The following CEP78 variants were observed in gnomAD, a reference collection of about 807,000 sequenced individuals.
CEP78 encodes the protein centrosomal protein of 78 kDa.
In CEP78, 76 loss-of-function variants were observed where a neutral mutation model predicts 81.2. The observed-to-expected ratio is 0.94, with a 90% CI of 0.78 to 1.13. The LOEUF is 1.13. Among genes scored for constraint, CEP78 ranks in the 50% most tolerant of loss-of-function variants. CEP78 has a pLI of 0.00. For missense variants in CEP78, 918 were observed against 846.8 expected, an observed-to-expected ratio of 1.08 and a Z score of -1.04; for synonymous variants, 293 against 301.4, an observed-to-expected ratio of 0.97 and a Z score of 0.29.
chr9:78,254,001 A>G (rs1481046937), intron 10 of CEP78: 1 of 152,126 alleles, frequency 6.6e-6, no homozygotes, highest in African/African-American at 2.4e-5. Context: ...TCTTCTGTAC[A>G]GTTATGTATC....
At chr9:78,239,131 C>T (rs1257796631) in intron 1 of CEP78, among the ~76,000 whole-genome samples, 1 of 151,888 alleles carries the variant, frequency 6.6e-6, no homozygotes, top group Non-Finnish European at 1.5e-5. Context: ...AGACCATTCT[C>T]GTCAGATATT....
Position 78,270,946 on chromosome 9 carries a change from T to TA in CEP78, c.*95_*96insA. 1.6e-6 allele frequency: 1 copy of TA among 614,048 alleles called. No individual in the cohort carries two copies. Among genetic ancestry groups the TA allele is most frequent in the Non-Finnish European group, 2.9e-6 (1 of 350,192 alleles). The allele number at this position is 614,048 out of a possible 1,614,324, so 38.0% of individuals were successfully genotyped here. ...TTCTGGAAGATAAGAAGCAGATGAT[T>TA]TAAGTACCAGTTAATTAAAGGATGG... is the stretch of plus-strand genomic sequence containing the variant. On this transcript the variant is annotated 3_prime_UTR_variant, in exon 17 of 17. Transcript: ENST00000643273.
At chr9:78,245,104 T>G (rs184534033) in intron 5 of CEP78, among the ~76,000 whole-genome samples, 49 of 152,268 alleles carry the variant, frequency 3.2e-4, no homozygotes, top group African/African-American at 1.2e-3. Flanking sequence ...TTTACCATAT[T>G]CTATCAGATC....
intron 10 of CEP78, chr9:78,254,610 G>A (rs72743767): frequency 0.042 from 8,109 of 193,342 alleles, 306 homozygotes; most frequent in Admixed American, 0.14. Context: ...AAATATGGGC[G>A]ATTCCAGTAT....
At chr9:78,270,061 G>T (rs1457162074) in intron 16 of CEP78, among the ~76,000 whole-genome samples, 22 of 152,174 alleles carry the variant, frequency 1.4e-4, no homozygotes, top group South Asian at 2.1e-4. Flanking sequence ...AAGAAATATG[G>T]ATTAGAAAAT....
rs564501312 is a variant in CEP78, at chr9:78,278,001, G to C, written c.*7150G>C. ...GTTTACATTTGTATAGTTAAAACTT[G>C]TTTACCTATACGTAGCATATATGCG... On this transcript the variant is annotated 3_prime_UTR_variant, in exon 17 of 17. Coordinates refer to ENST00000643273, the MANE Select transcript of CEP78 (RefSeq NM_001330691.3). 2 of 152,038 alleles carry C rather than the reference G, an allele frequency of 1.3e-5. No homozygotes were observed. The highest frequency in any genetic ancestry group is 2.9e-5 in the Non-Finnish European group (2 of 68,016). 9.4% of individuals were successfully genotyped at this position (152,038 alleles called of 1,614,324 possible). A position where few individuals can be genotyped will look rare whatever the true frequency, so the allele number is the denominator to read the frequency against.
chr9:78,269,818 A>G (rs991441722), intron 16 of CEP78, among the ~76,000 whole-genome samples: 1 of 152,218 alleles, frequency 6.6e-6, no homozygotes, highest in African/African-American at 2.4e-5. Context: ...TTTTTAGACT[A>G]AGGACTTAAA....
chr9:78,279,283 C>T lies in CEP78; in HGVS notation c.*8432C>T, dbSNP rs766367689. 2.0e-5 allele frequency: 3 copies of T among 152,130 alleles called. No individual in the cohort carries two copies. The highest frequency in any genetic ancestry group is 4.4e-5 in the Non-Finnish European group (3 of 68,016). The allele number at this position is 152,130 out of a possible 1,614,324, so 9.4% of individuals were successfully genotyped here. On this transcript the variant is annotated 3_prime_UTR_variant, in exon 17 of 17. Coordinates refer to ENST00000643273, the MANE Select transcript of CEP78 (RefSeq NM_001330691.3). ...CACAAAATCTTGAAAGCTAGATAATCCTAGCTTAAATGATAAAATTTGAGT... is the reference window on the plus strand; with the variant it reads ...CACAAAATCTTGAAAGCTAGATAATTCTAGCTTAAATGATAAAATTTGAGT...
chr9:78,246,581 C>G, intron 5 of CEP78, 88 bp from the exon 6 acceptor site: 2 of 739,462 alleles, frequency 2.7e-6, no homozygotes, highest in East Asian at 3.0e-5. Context: ...GCCTGGGTGA[C>G]AGAGTGAGAC....
chr9:78,257,503 G>A (rs563211694), intron 11 of CEP78, among the ~76,000 whole-genome samples: 4 of 152,244 alleles, frequency 2.6e-5, no homozygotes, highest in Admixed American at 2.0e-4. Context: ...GGAGAGCAGC[G>A]GGTCTGGATT....
chr9:78,242,281 A>G (rs933339918), intron 4 of CEP78, among the ~76,000 whole-genome samples: 2 of 152,164 alleles, frequency 1.3e-5, no homozygotes, highest in African/African-American at 2.4e-5. Flanking sequence ...ACCCTACACT[A>G]GGAGAGTTGA....
At chr9:78,245,683 T>C (rs534864089) in intron 5 of CEP78, among the ~76,000 whole-genome samples, 17 of 152,228 alleles carry the variant, frequency 1.1e-4, no homozygotes, top group Admixed American at 2.0e-4. Context: ...AATGAGTAGA[T>C]TGTTCAGCCT....
chr9:78,263,014 G>A, intron 12 of CEP78, 30 bp downstream of exon 12: 2 of 1,427,638 alleles, frequency 1.4e-6, no homozygotes, highest in Admixed American at 2.3e-5. Context: ...CCTTTTGAGA[G>A]TTTTTTGTTT....
rs182745565 is a variant in CEP78, at chr9:78,251,976, G to A, written c.1138G>A (p.Ala380Thr). The change falls in exon 9 of 17, where the codon GCA becomes ACA. Residue 380 changes from alanine (A) to threonine (T), a missense_variant. Transcript: ENST00000643273. ...HSLGKEYYAP[A>T]PLPPGVSGFL... ...CCTTGGTAAAGAATATTATGCGCCCGCACCTCTTCCACCTGGTGTGTCTGG... is the reference window on the plus strand; with the variant it reads ...CCTTGGTAAAGAATATTATGCGCCCACACCTCTTCCACCTGGTGTGTCTGG... The A allele has an allele frequency of 3.9e-5, 63 of 1,607,354 alleles. 1 individual carries two copies. In the African/African-American group the frequency reaches 6.8e-4, roughly 17 times the overall value.
rs1477194376 is a variant in CEP78, at chr9:78,276,023, G to C, written c.*5172G>C. 1 of 152,168 alleles carries C rather than the reference G, an allele frequency of 6.6e-6. No homozygotes were observed. Among genetic ancestry groups the C allele is most frequent in the Non-Finnish European group, 1.5e-5 (1 of 68,034 alleles). The allele number at this position is 152,168 out of a possible 1,614,324, so 9.4% of individuals were successfully genotyped here. ...CCAGAGGATAGAAAAGAGATGTAAG[G>C]CTCCCTAATTCATTCCATACGGTTA... On this transcript the variant is annotated 3_prime_UTR_variant, in exon 17 of 17. Coordinates refer to ENST00000643273, the MANE Select transcript of CEP78 (RefSeq NM_001330691.3).
Position 78,265,885 on chromosome 9 carries a change from C to T in CEP78, c.1824C>T (p.Tyr608=). The T allele has an allele frequency of 7.2e-7, 1 of 1,398,470 alleles. No individual in the cohort carries two copies. The highest frequency in any genetic ancestry group is 9.9e-7 in the Non-Finnish European group (1 of 1,007,172). 86.6% of individuals were successfully genotyped at this position (1,398,470 alleles called of 1,614,324 possible). ...IQVSICMQSA[Y]NEGTLMKFQK... is the part of the protein sequence containing the mutation. ...TTTCTATTTGTATGCAGTCAGCTTA[C>T]AATGAAGGAACACTAATGAAGGTAC... Residue 608 remains tyrosine, a synonymous_variant, in exon 15 of 17, where the codon TAC becomes TAT. Coordinates refer to ENST00000643273, the MANE Select transcript of CEP78 (RefSeq NM_001330691.3).
chr9:78,247,635 G>A (rs1826556592), intron 6 of CEP78, among the ~76,000 whole-genome samples: 1 of 152,168 alleles, frequency 6.6e-6, no homozygotes, highest in Non-Finnish European at 1.5e-5. Flanking sequence ...ATTCCAAGTA[G>A]TAATTCAATC....
intron 1 of CEP78, among the ~76,000 whole-genome samples, chr9:78,239,681 A>T (rs1414460812): frequency 6.6e-6 from 1 of 152,100 alleles, no homozygotes; most frequent in Non-Finnish European, 1.5e-5. Context: ...ATCCACCTGC[A>T]GTTTTCCAGT....
intron 1 of CEP78, among the ~76,000 whole-genome samples, chr9:78,236,969 CTTTTTTTTTTTT>C (rs71360676): frequency 2.0e-3 from 127 of 62,110 alleles, no homozygotes; most frequent in Non-Finnish European, 2.9e-3. Flanking sequence ...CAGCCTTTGT[CTTTTTTTTTTTT>C]TTTTTTTTTT....
Sources: allele counts gnomAD v4.1 joint callset (sites outside exome capture counted in the v4.1 genomes callset), GRCh38; gene constraint gnomAD v4.1.1; transcripts MANE v1.5; gene names NCBI Gene and HGNC (gene_info 2026-07-23, HGNC 2026-07-21).